DDR2: variants seen among roughly 807,000 people sequenced by gnomAD.
DDR2 encodes the protein discoidin domain-containing receptor 2.
Under a neutral mutation model 94.9 loss-of-function variants are expected in DDR2, and 27 were observed. The observed-to-expected ratio is 0.28, with a 90% confidence interval of 0.21 to 0.39. DDR2 has a LOEUF of 0.39. Among genes scored for constraint, DDR2 ranks in the 10% least tolerant of loss-of-function variants. The pLI is 1.00. For synonymous variants in DDR2, 382 were observed against 377.2 expected (o/e 1.01, Z -0.15); for missense variants, 783 against 1,076.0 (o/e 0.73, Z 3.81).
intron 2 of DDR2, among the ~76,000 whole-genome samples, chr1:162,691,612 C>A (rs1180661751): frequency 1.3e-5 from 2 of 152,194 alleles, no homozygotes; most frequent in African/African-American, 4.8e-5. Context: ...CTGGCAAGTA[C>A]AACTGGCTCT....
intron 11 of DDR2, among the ~76,000 whole-genome samples, chr1:162,769,103 AC>A (rs1664139454): frequency 6.6e-6 from 1 of 152,186 alleles, no homozygotes; most frequent in African/African-American, 2.4e-5. Context: ...GCCACAATTT[AC>A]CATACTTCTC....
chr1:162,638,503 G>T (rs150569921), intron 1 of DDR2, among the ~76,000 whole-genome samples: 1 of 152,202 alleles, frequency 6.6e-6, no homozygotes, highest in African/African-American at 2.4e-5. Flanking sequence ...CAATTTTAAA[G>T]TACAGTCACA....
upstream of DDR2, among the ~76,000 whole-genome samples, chr1:162,631,045 G>A (rs755247840): frequency 2.0e-5 from 3 of 151,928 alleles, no homozygotes; most frequent in South Asian, 2.1e-4. Flanking sequence ...CATGTTCTCC[G>A]TGTCCTTTTC....
At chr1:162,779,383 G>A (rs185157189) in intron 17 of DDR2, among the ~76,000 whole-genome samples, 41 of 152,202 alleles carry the variant, frequency 2.7e-4, no homozygotes, top group South Asian at 2.3e-3. Context: ...CTACAGCACC[G>A]CACTTCCCCA....
At chr1:162,640,826 T>C (rs1354860329) in intron 1 of DDR2, among the ~76,000 whole-genome samples, 3 of 151,412 alleles carry the variant, frequency 2.0e-5, no homozygotes, top group Non-Finnish European at 4.5e-5. Context: ...TTATAATAAC[T>C]ATCACTTAAA....
chr1:162,713,739 T>C (rs1661029840), intron 2 of DDR2, among the ~76,000 whole-genome samples: 1 of 55,132 alleles, frequency 1.8e-5, no homozygotes, highest in Admixed American at 1.4e-4. Context: ...GTTAATAACA[T>C]TATCCTACTG....
At chr1:162,753,270 T>C (rs1377815790) in intron 4 of DDR2, 73 bp downstream of exon 4, 1 of 1,397,958 alleles carries the variant, frequency 7.2e-7, no homozygotes, top group East Asian at 2.3e-5. Context: ...TTCCTGACCC[T>C]AGGGGCTGGG....
At chr1:162,689,842 T>TAAAAAAAAAAAAAA (rs1158650637) in intron 2 of DDR2, among the ~76,000 whole-genome samples, 3 of 10,926 alleles carry the variant, frequency 2.7e-4, no homozygotes, top group African/African-American at 5.8e-4. Context: ...CATCTCTACT[T>TAAAAAAAAAAAAAA]AAAAAAAAAA....
At chr1:162,663,922 G>A (rs1275932919) in intron 2 of DDR2, among the ~76,000 whole-genome samples, 1 of 152,170 alleles carries the variant, frequency 6.6e-6, no homozygotes. Flanking sequence ...GAAGGGTGCA[G>A]AAGCCTCAGC....
intron 2 of DDR2, among the ~76,000 whole-genome samples, chr1:162,709,391 T>A (rs1324780674): frequency 2.0e-5 from 3 of 152,202 alleles, no homozygotes; most frequent in African/African-American, 7.2e-5. Flanking sequence ...AGAGAACAAG[T>A]GCTAGGCTGG....
chr1:162,743,297 A>G (rs1662699254), intron 3 of DDR2, among the ~76,000 whole-genome samples: 1 of 152,072 alleles, frequency 6.6e-6, no homozygotes, highest in Non-Finnish European at 1.5e-5. Context: ...CTTCAAGCCC[A>G]TGATGTTCCT....
chr1:162,748,040 A>C (rs1662973449), intron 3 of DDR2, among the ~76,000 whole-genome samples: 1 of 152,264 alleles, frequency 6.6e-6, no homozygotes, highest in Non-Finnish European at 1.5e-5. Flanking sequence ...CAGCCACTGC[A>C]AAAACATGCC....
chr1:162,709,809 T>C (rs1160730228), intron 2 of DDR2, among the ~76,000 whole-genome samples: 1 of 152,160 alleles, frequency 6.6e-6, no homozygotes, highest in Non-Finnish European at 1.5e-5. Flanking sequence ...AATGAAAAGC[T>C]AGAGATTGCT....
intron 3 of DDR2, 139 bp downstream of exon 3, chr1:162,719,284 T>G (rs941641559): frequency 2.0e-5 from 29 of 1,466,256 alleles, no homozygotes; most frequent in Non-Finnish European, 2.7e-6. Flanking sequence ...GAAATATGAC[T>G]AAAATAGGAA....
chr1:162,754,608 A>G lies in DDR2; in HGVS notation c.186-16A>G. 7 of 1,613,480 alleles carry G rather than the reference A, an allele frequency of 4.3e-6. No homozygotes were observed. The highest frequency in any genetic ancestry group is 5.1e-6 in the Non-Finnish European group (6 of 1,179,634). ...TTCATGGTTGCTCCCTCTCTCCCCA[A>G]CCCTCACCTCTCAAGGCTGGACTCA... On this transcript the variant is annotated splice_polypyrimidine_tract_variant and intron_variant, in intron 4 of 17. Transcript: ENST00000367921.
chr1:162,671,405 A>G (rs984421832), intron 2 of DDR2, among the ~76,000 whole-genome samples: 3 of 152,244 alleles, frequency 2.0e-5, no homozygotes, highest in Admixed American at 1.3e-4. Flanking sequence ...TTTAATAAAT[A>G]GCAATGATCA....
chr1:162,754,976 T>C, intron 5 of DDR2, 121 bp downstream of exon 5: 1 of 1,438,972 alleles, frequency 6.9e-7, no homozygotes, highest in Non-Finnish European at 9.6e-7. Context: ...CATGCCCTTG[T>C]AAATGTGTGA....
rs915603318 is a variant in DDR2, at chr1:162,748,009, A to T, written c.83-5086A>T. Among the ~76,000 whole-genome samples, 10 of 152,340 alleles carry T rather than the reference A, an allele frequency of 6.6e-5. No individual in the cohort carries two copies. The East Asian group carries it at 7.7e-4, about 12-fold the overall frequency. ...AGAGCTCCTGAAGGAAGTGCTAAAC[A>T]TGGAAAGGAAAAACCAGTATCAGCC... On this transcript the variant is annotated intron_variant, in intron 3 of 17. Transcript: ENST00000367921.
intron 3 of DDR2, among the ~76,000 whole-genome samples, chr1:162,750,907 A>G (rs1257312313): frequency 2.0e-5 from 3 of 152,220 alleles, no homozygotes; most frequent in Non-Finnish European, 2.9e-5. Context: ...AGGATTCCCT[A>G]TTTAATAAAT....
Sources: allele counts gnomAD v4.1 joint callset (sites outside exome capture counted in the v4.1 genomes callset), GRCh38; gene constraint gnomAD v4.1.1; transcripts MANE v1.5; gene names NCBI Gene and HGNC (gene_info 2026-07-23, HGNC 2026-07-21).